The following MORC3 variants were observed in gnomAD, a reference collection of about 807,000 sequenced individuals.
MORC3 encodes MORC family CW-type zinc finger protein 3.
In MORC3, 31 loss-of-function variants were observed where a neutral mutation model predicts 109.1. That is an observed-to-expected ratio of 0.28 (90% CI 0.21 to 0.38). The LOEUF (loss-of-function observed/expected upper bound fraction) is 0.38, where lower values mean the gene tolerates loss of function less well. Among genes scored for constraint, MORC3 ranks in the 10% least tolerant of loss-of-function variants. The probability of loss-of-function intolerance (pLI) is 1.00; values close to 1 mark genes in which losing one functional copy is unlikely to be tolerated. For synonymous variants in MORC3, 395 were observed against 380.7 expected (o/e 1.04, Z -0.44); for missense variants, 867 against 1,135.8 (o/e 0.76, Z 3.40).
intron 6 of MORC3, among the ~76,000 whole-genome samples, chr21:36,343,716 G>A (rs1260461319): frequency 6.6e-6 from 1 of 151,804 alleles, no homozygotes; most frequent in Non-Finnish European, 1.5e-5. Context: ...CAAAGTGCTG[G>A]GATTACAGGA....
At chr21:36,324,027 C>T (rs1396740409) in intron 1 of MORC3, among the ~76,000 whole-genome samples, 1 of 151,852 alleles carries the variant, frequency 6.6e-6, no homozygotes, top group Non-Finnish European at 1.5e-5. Context: ...AGGCATGCGC[C>T]ACCACGTCTG....
At chr21:36,351,127 C>T (rs2085567054) in intron 9 of MORC3, among the ~76,000 whole-genome samples, 1 of 146,308 alleles carries the variant, frequency 6.8e-6, no homozygotes, top group Non-Finnish European at 1.5e-5. Flanking sequence ...TGCAGTGGCC[C>T]CCAGGTCTTA....
chr21:36,349,453 T>C, intron 9 of MORC3, 45 bp downstream of exon 9: 1 of 1,293,378 alleles, frequency 7.7e-7, no homozygotes, highest in Non-Finnish European at 1.1e-6. Flanking sequence ...CTAGGAAATG[T>C]ATTACCAAGA....
intron 1 of MORC3, 148 bp downstream of exon 1, chr21:36,320,451 C>G: frequency 1.4e-6 from 1 of 712,088 alleles, no homozygotes; most frequent in Non-Finnish European, 1.9e-6. Flanking sequence ...GGCCATCTCG[C>G]TCCCGTCGGC....
At chr21:36,356,500 T>C in intron 9 of MORC3, 120 bp from the exon 10 acceptor site, 1 of 493,560 alleles carries the variant, frequency 2.0e-6, no homozygotes, top group South Asian at 3.2e-5. Flanking sequence ...TTGAATGTTC[T>C]TTATTAACTA....
At chr21:36,341,249 T>C in intron 5 of MORC3, 150 bp from the exon 6 acceptor site, 1 of 657,734 alleles carries the variant, frequency 1.5e-6, no homozygotes, top group Non-Finnish European at 2.5e-6. Flanking sequence ...TTTCTTTCTT[T>C]TTCTCTTGCC....
intron 8 of MORC3, among the ~76,000 whole-genome samples, chr21:36,345,456 C>G (rs894903446): frequency 5.3e-5 from 8 of 151,372 alleles, no homozygotes; most frequent in African/African-American, 1.9e-4. Flanking sequence ...GAGCCTTGCT[C>G]TGTCGCCCAG....
chr21:36,323,548 A>G (rs2085215795), intron 1 of MORC3, among the ~76,000 whole-genome samples: 2 of 152,192 alleles, frequency 1.3e-5, no homozygotes, highest in South Asian at 4.1e-4. Flanking sequence ...GCTTCCTGAA[A>G]AAAGGGTTCA....
At chr21:36,350,576 G>A (rs117351756) in intron 9 of MORC3, among the ~76,000 whole-genome samples, 3,714 of 150,434 alleles carry the variant, frequency 0.025, 66 homozygotes, top group Admixed American at 0.046. Flanking sequence ...CGGTTCTTTG[G>A]TAGGACTAAT....
chr21:36,334,689 AG>A (rs2085355298), intron 2 of MORC3, among the ~76,000 whole-genome samples: 1 of 152,196 alleles, frequency 6.6e-6, no homozygotes, highest in South Asian at 2.1e-4. Context: ...GTATTGTGTT[AG>A]ATATGTAATA....
intron 14 of MORC3, among the ~76,000 whole-genome samples, chr21:36,364,545 G>T (rs1400138105): frequency 6.6e-6 from 1 of 151,812 alleles, no homozygotes; most frequent in East Asian, 1.9e-4. Context: ...TTAACCAGGC[G>T]TGGTGGCGGG....
At chr21:36,320,482 C>G in intron 1 of MORC3, 179 bp downstream of exon 1, 1 of 528,092 alleles carries the variant, frequency 1.9e-6, no homozygotes, top group Non-Finnish European at 2.8e-6. Flanking sequence ...GGCTGCGGGC[C>G]GGGCTGCGTT....
chr21:36,322,923 TTTG>T (rs1194934083), intron 1 of MORC3, among the ~76,000 whole-genome samples: 2 of 152,180 alleles, frequency 1.3e-5, no homozygotes, highest in African/African-American at 2.4e-5. Context: ...TACTATATGG[TTTG>T]TTATTACTCT....
intron 9 of MORC3, among the ~76,000 whole-genome samples, chr21:36,354,461 C>T (rs950522505): frequency 2.6e-5 from 4 of 151,716 alleles, no homozygotes; most frequent in African/African-American, 9.7e-5. Context: ...CACGCCATCA[C>T]GCCCGGCTAA....
intron 15 of MORC3, among the ~76,000 whole-genome samples, chr21:36,370,633 ATATATATTTTTTTTTTTT>A (rs1219276194): frequency 8.0e-4 from 37 of 46,448 alleles, no homozygotes; most frequent in African/African-American, 2.3e-3. Flanking sequence ...ATATATATAT[ATATATATTTTTTTTTTTT>A]TTTTTTTTTT....
At chr21:36,351,298 C>T (rs1055412605) in intron 9 of MORC3, among the ~76,000 whole-genome samples, 1 of 151,930 alleles carries the variant, frequency 6.6e-6, no homozygotes, top group African/African-American at 2.4e-5. Context: ...GATCTGTTGA[C>T]CTTGTGATCC....
chr21:36,369,794 T>C lies in MORC3; in HGVS notation c.2426T>C (p.Met809Thr). 1 of 1,614,118 alleles carries C rather than the reference T, an allele frequency of 6.2e-7. No homozygotes were observed. ...QCSNNESKSE[M>T]DEMAVQLDDV... The stretch of plus-strand genomic sequence containing the variant: ...TCCAATAATGAGAGTAAAAGTGAAA[T>C]GGATGAGATGGCTGTGCAGCTTGAC... The change falls in exon 15 of 17, where the codon ATG (methionine) becomes ACG (threonine). Residue 809 changes from methionine to threonine, a missense_variant. Physicochemically the swap from Met to Thr is moderately conservative, Grantham distance 81. This residue lies in a region of MORC3 where 486 missense variants were observed against 502.1 expected (regional missense o/e 0.97). Coordinates refer to ENST00000400485, the MANE Select transcript of MORC3 (RefSeq NM_015358.3).
rs1012314934 is a variant in MORC3 at position 36,340,641 on chromosome 21, T to TC, written c.609-758_609-757insC. Among the ~76,000 whole-genome samples, 10 of 149,408 alleles carry TC rather than the reference T, an allele frequency of 6.7e-5. No individual in the cohort carries two copies. The East Asian group carries it at 9.8e-4, about 15-fold the overall frequency. ...CTTTTCTTTTCTTTCTTTCTTTCTT[T>TC]TTTTTTTTTTTGAGATAGCGTTTTG... On this transcript the variant is annotated intron_variant, in intron 5 of 16. Transcript: ENST00000400485.
intron 8 of MORC3, among the ~76,000 whole-genome samples, chr21:36,346,130 C>T (rs866450232): frequency 1.3e-5 from 2 of 152,230 alleles, no homozygotes; most frequent in African/African-American, 2.4e-5. Context: ...AAGCGATTCT[C>T]GGGCCTTAGC....
Sources: allele counts gnomAD v4.1 joint callset (sites outside exome capture counted in the v4.1 genomes callset), GRCh38; gene constraint gnomAD v4.1.1; regional missense constraint gnomAD v4.1.1; transcripts MANE v1.5; gene names NCBI Gene and HGNC (gene_info 2026-07-23, HGNC 2026-07-21).